Variants in CCDC91 observed in about 807,000 individuals in gnomAD.
CCDC91 encodes coiled-coil domain-containing protein 91.
A neutral mutation model predicts 63.2 loss-of-function variants in CCDC91; 48 were observed. That is an observed-to-expected ratio of 0.76 (90% confidence interval 0.60 to 0.97). CCDC91 has a LOEUF of 0.97. Ranked by LOEUF, CCDC91 falls within the 50% of genes least tolerant of loss-of-function variation. The pLI is 0.00. For synonymous variants in CCDC91, 167 were observed against 165.8 expected, an observed-to-expected ratio of 1.01 and a Z score of -0.06; for missense variants, 500 against 494.6, an observed-to-expected ratio of 1.01 and a Z score of -0.10.
intron 1 of CCDC91, among the ~76,000 whole-genome samples, chr12:28,228,130 A>G (rs1402824033): frequency 6.6e-6 from 1 of 152,046 alleles, no homozygotes; most frequent in African/African-American, 2.4e-5. Context: ...CACCATAGGT[A>G]CCTTATCATT....
At chr12:28,344,027 T>C (rs1942628236) in intron 6 of CCDC91, among the ~76,000 whole-genome samples, 1 of 152,156 alleles carries the variant, frequency 6.6e-6, no homozygotes, top group Non-Finnish European at 1.5e-5. Flanking sequence ...TTTTTTCTGG[T>C]ATTTTAAATT....
chr12:28,471,276 C>T (rs1169812869), intron 11 of CCDC91, among the ~76,000 whole-genome samples: 3 of 152,084 alleles, frequency 2.0e-5, no homozygotes, highest in African/African-American at 7.2e-5. Flanking sequence ...CTATGAAATT[C>T]CGCAAAATAT....
At chr12:28,292,389 T>A (rs1469415278) in intron 3 of CCDC91, among the ~76,000 whole-genome samples, 1 of 152,204 alleles carries the variant, frequency 6.6e-6, no homozygotes, top group African/African-American at 2.4e-5. Context: ...TTAAACTACA[T>A]ATTCCTTGTA....
At chr12:28,530,340 G>A (rs983980099) in intron 12 of CCDC91, among the ~76,000 whole-genome samples, 2 of 152,190 alleles carry the variant, frequency 1.3e-5, no homozygotes, top group African/African-American at 4.8e-5. Flanking sequence ...AGGAGCTGAG[G>A]CCTCCAACCT....
chr12:28,366,951 T>A (rs1330030695), intron 7 of CCDC91, among the ~76,000 whole-genome samples: 2 of 152,088 alleles, frequency 1.3e-5, no homozygotes, highest in East Asian at 1.9e-4. Context: ...GTTGGGTACT[T>A]AGACTTCCAC....
chr12:28,444,030 G>C (rs1406365392), intron 8 of CCDC91, among the ~76,000 whole-genome samples: 1 of 152,076 alleles, frequency 6.6e-6, no homozygotes, highest in Non-Finnish European at 1.5e-5. Context: ...TAGCATCATT[G>C]GTCACAGGCC....
intron 12 of CCDC91, among the ~76,000 whole-genome samples, chr12:28,505,105 A>T (rs185689418): frequency 6.6e-6 from 1 of 152,108 alleles, no homozygotes; most frequent in East Asian, 2.0e-4. Flanking sequence ...AGAATTATTC[A>T]GCAAGGACCA....
chr12:28,327,744 A>G (rs1015804133), intron 6 of CCDC91, among the ~76,000 whole-genome samples: 3 of 152,146 alleles, frequency 2.0e-5, no homozygotes, highest in African/African-American at 7.2e-5. Flanking sequence ...ACGCCACTTC[A>G]GTAGTGATTG....
At chr12:28,541,901 T>A (rs1942654548) in intron 12 of CCDC91, among the ~76,000 whole-genome samples, 1 of 152,116 alleles carries the variant, frequency 6.6e-6, no homozygotes, top group African/African-American at 2.4e-5. Flanking sequence ...TATTAATATG[T>A]AAATATAGCC....
chr12:28,347,871 TC>T (rs918911483), intron 6 of CCDC91, among the ~76,000 whole-genome samples: 34 of 152,236 alleles, frequency 2.2e-4, no homozygotes, highest in African/African-American at 7.5e-4. Context: ...TCACCCCCTC[TC>T]CCCCAGATCA....
chr12:28,362,579 G>A lies in CCDC91; in HGVS notation c.654+64G>A, dbSNP rs1943973417. 4.7e-5 allele frequency: 45 copies of A among 953,182 alleles called. No homozygotes were observed. The South Asian group carries it at 6.8e-4, about 14-fold the overall frequency. The allele number at this position is 953,182 out of a possible 1,614,324, so 59.0% of individuals were successfully genotyped here. A position where few individuals can be genotyped will look rare whatever the true frequency, so the allele number is the denominator to read the frequency against. On this transcript the variant is annotated intron_variant, in intron 7 of 12. Transcript: ENST00000536442. Reference sequence around the variant, plus strand: ...TAACTTTAGTAAAAAATGTACACATGTAGGTATGTGCAAACATATACAAAT... The same window carrying A: ...TAACTTTAGTAAAAAATGTACACATATAGGTATGTGCAAACATATACAAAT...
intron 8 of CCDC91, among the ~76,000 whole-genome samples, chr12:28,417,366 C>A (rs536726025): frequency 2.2e-4 from 33 of 152,148 alleles, no homozygotes; most frequent in Admixed American, 2.2e-3. Context: ...TAAAACAATT[C>A]TGTTACCCCA....
At chr12:28,467,154 C>G (rs1950586064) in intron 11 of CCDC91, among the ~76,000 whole-genome samples, 1 of 151,938 alleles carries the variant, frequency 6.6e-6, no homozygotes, top group Non-Finnish European at 1.5e-5. Flanking sequence ...CTAAACTCTC[C>G]AATCAAAAGC....
At position 28,332,853 on chromosome 12, in the gene CCDC91, G is replaced by GT. The variant is rs769982988; in HGVS notation, c.576+25114dup. ...TGAGGGAAGCTTATCTAACACAAGT[G>GT]TTTTTTTTTTCGTAAGGCATGTCAT... On this transcript the variant is annotated intron_variant, in intron 6 of 12. Coordinates refer to ENST00000536442, the MANE Select transcript of CCDC91 (RefSeq NM_018318.5). 3.5e-4 allele frequency among the ~76,000 whole-genome samples: 52 copies of GT among 147,344 alleles called. 1 individual carries two copies. Among genetic ancestry groups the GT allele is most frequent in the Middle Eastern group, 3.5e-3 (1 of 284 alleles).
chr12:28,540,918 A>G (rs1229529521), intron 12 of CCDC91, among the ~76,000 whole-genome samples: 3 of 152,062 alleles, frequency 2.0e-5, no homozygotes, highest in Admixed American at 6.6e-5. Flanking sequence ...TTGGAGCTGG[A>G]TATTTTGAGG....
chr12:28,481,516 A>G (rs1951445537), intron 11 of CCDC91, among the ~76,000 whole-genome samples: 1 of 152,008 alleles, frequency 6.6e-6, no homozygotes, highest in African/African-American at 2.4e-5. Flanking sequence ...ATTAATTCTC[A>G]TGACTCCCAG....
chr12:28,273,934 G>A (rs1213148383), intron 3 of CCDC91, among the ~76,000 whole-genome samples: 1 of 152,118 alleles, frequency 6.6e-6, no homozygotes, highest in African/African-American at 2.4e-5. Context: ...GTCCTGAAGG[G>A]TATTGCCTAG....
At chr12:28,227,232 A>T (rs1039668517) in intron 1 of CCDC91, among the ~76,000 whole-genome samples, 23 of 152,128 alleles carry the variant, frequency 1.5e-4, no homozygotes, top group African/African-American at 5.3e-4. Context: ...TACTCTTTGC[A>T]ACAAAGTCAC....
intron 11 of CCDC91, among the ~76,000 whole-genome samples, chr12:28,479,519 C>T (rs1319829080): frequency 3.3e-5 from 5 of 151,916 alleles, no homozygotes; most frequent in Non-Finnish European, 7.4e-5. Context: ...ATGTAAATGA[C>T]GAGTTAATGG....
Sources: gnomAD v4.1 joint callset for allele counts (sites outside exome capture counted in the v4.1 genomes callset) on GRCh38, gnomAD v4.1.1 for gene constraint, MANE v1.5 for transcripts, NCBI Gene and HGNC (gene_info 2026-07-23, HGNC 2026-07-21) for gene names.